Variants in KLK4 observed in about 807,000 individuals in gnomAD.
The protein encoded by KLK4 is kallikrein related peptidase 4.
A neutral mutation model predicts 24.3 loss-of-function variants in KLK4; 24 were observed. The observed-to-expected ratio is 0.99, with a 90% CI of 0.72 to 1.39. The LOEUF is 1.39. KLK4 is among the 40% of genes most tolerant of loss of function. KLK4 has a pLI of 0.00. For synonymous variants in KLK4, 142 were observed against 138.8 expected (o/e 1.02, Z -0.16); for missense variants, 344 against 327.4 (o/e 1.05, Z -0.39).
At chr19:50,908,520 C>T (rs1383279174) in intron 4 of KLK4, 25 bp from the exon 5 acceptor site, 4 of 1,614,180 alleles carry the variant, frequency 2.5e-6, no homozygotes, top group South Asian at 2.2e-5. Context: ...TCTGGGTCAG[C>T]CCCCGCGACT....
chr19:50,908,157 G>T, intron 5 of KLK4: 1 of 670,742 alleles, frequency 1.5e-6, no homozygotes, highest in Non-Finnish European at 2.6e-6. Context: ...GCCTCCCCAT[G>T]TCTGTTTCTG....
intron 2 of KLK4, 28 bp from the exon 3 acceptor site, chr19:50,909,442 G>A (rs749859547): frequency 1.2e-6 from 2 of 1,612,906 alleles, no homozygotes; most frequent in East Asian, 2.2e-5. Context: ...GATGGGATCG[G>A]GACCAGGAGG....
chr19:50,907,403 T>A (rs1169822903), intron 5 of KLK4, among the ~76,000 whole-genome samples: 1 of 127,398 alleles, frequency 7.8e-6, no homozygotes, highest in Non-Finnish European at 1.7e-5. Context: ...CTTTGTAAAG[T>A]CTTTTTTTTT....
chr19:50,906,857 G>T, exon 6 of KLK4: 2 of 1,577,696 alleles, frequency 1.3e-6, no homozygotes, highest in East Asian at 2.2e-5. Flanking sequence ...GGGAGGAGGG[G>T]CTGGGAACAG....
At chr19:50,909,451 G>T (rs554007875) in intron 2 of KLK4, 37 bp from the exon 3 acceptor site, 4 of 1,609,472 alleles carry the variant, frequency 2.5e-6, no homozygotes, top group South Asian at 2.2e-5. Flanking sequence ...GGGACCAGGA[G>T]GCGGGCCCAG....
intron 3 of KLK4, 77 bp from the exon 4 acceptor site, chr19:50,908,906 A>G: frequency 6.3e-7 from 1 of 1,584,972 alleles, no homozygotes; most frequent in Non-Finnish European, 8.5e-7. Flanking sequence ...CCCCATTCCC[A>G]TCCCCATCTC....
chr19:50,906,828 C>A (rs905994297), exon 6 of KLK4: 20 of 1,352,302 alleles, frequency 1.5e-5, no homozygotes, highest in African/African-American at 1.1e-4. Flanking sequence ...GGGCTGGGGG[C>A]CTGGACTCCT....
Position 50,910,819 on chromosome 19 carries a change from G to A in KLK4, c.-11-70C>T. 1 of 1,327,302 alleles carries A rather than the reference G, an allele frequency of 7.5e-7. No homozygotes were observed. Among genetic ancestry groups the A allele is most frequent in the Non-Finnish European group, 1.1e-6 (1 of 943,494 alleles). 82.2% of individuals were successfully genotyped at this position (1,327,302 alleles called of 1,614,324 possible). ...CCCAAGTCTCTCCATCCCTCTCTTT[G>A]TCCCTCCCTTTCTTCCCTCTGGGAC... On this transcript the variant is annotated intron_variant, in intron 1 of 5. Transcript: ENST00000324041. The surrounding 1 kb of genome is among the most constrained non-coding windows in gnomAD (Gnocchi z 4.4).
Position 50,907,142 on chromosome 19 carries a change from G to T in KLK4, c.613-56C>A, listed in dbSNP as rs198965. On this transcript the variant is annotated intron_variant, in intron 5 of 5. Transcript: ENST00000324041. ...AAAACACAGAGAGGTGGAAATGGAT[G>T]TGGGCTCAGAAAGGAACTAAATGAG... is the stretch of plus-strand genomic sequence containing the variant. The T allele has an allele frequency of 2.7e-5, 43 of 1,577,328 alleles. No individual in the cohort carries two copies. In the African/African-American group the frequency reaches 5.4e-4, roughly 20 times the overall value.
chr19:50,908,320 T>C (rs1303377003), intron 5 of KLK4, 39 bp downstream of exon 5: 2 of 1,608,398 alleles, frequency 1.2e-6, no homozygotes, highest in Non-Finnish European at 1.7e-6. Context: ...TTCTCCACCC[T>C]TCCCTGAGTC....
At chr19:50,911,253 G>A (rs1019710535) in intron 1 of KLK4, among the ~76,000 whole-genome samples, 86 bp downstream of exon 1, 8 of 152,234 alleles carry the variant, frequency 5.3e-5, no homozygotes, top group African/African-American at 1.4e-4. Context: ...AGGCACAGAG[G>A]CTGAGAATCC....
At position 50,910,749 on chromosome 19, in the gene KLK4, C is replaced by T. The variant is rs1253358710; in HGVS notation, c.-11G>A. 6.4e-6 allele frequency: 10 copies of T among 1,552,128 alleles called. No homozygotes were observed. The highest frequency in any genetic ancestry group is 8.7e-6 in the Non-Finnish European group (10 of 1,147,130). On this transcript the variant is annotated splice_region_variant and 5_prime_UTR_variant, in exon 2 of 6. It adds an upstream start codon to the 5' untranslated region. Transcript: ENST00000324041. This position sits in a 1 kb window ranked among gnomAD's most constrained non-coding sequence, Gnocchi z 4.4. ...TCCTGCTGTGGCCATCACGTCAGCA[C>T]CTGGGGATGAGGACTGAGACTTAGC... is the stretch of plus-strand genomic sequence containing the variant.
At chr19:50,906,752 G>T in exon 6 of KLK4, 1 of 601,944 alleles carries the variant, frequency 1.7e-6, no homozygotes, top group South Asian at 1.8e-5. Flanking sequence ...AGGGGCTGGG[G>T]GGTCTGGACT....
chr19:50,906,499 G>T (rs1029412840), exon 6 of KLK4: 1 of 300,232 alleles, frequency 3.3e-6, no homozygotes, highest in Non-Finnish European at 6.3e-6. Context: ...TGAGGGAGGA[G>T]GGGCTGGGAC....
intron 5 of KLK4, among the ~76,000 whole-genome samples, chr19:50,907,735 C>T (rs1006999700): frequency 3.9e-5 from 6 of 152,118 alleles, no homozygotes; most frequent in South Asian, 2.1e-4. Flanking sequence ...TTTCCTGTTT[C>T]TCTTCGTGTT....
At chr19:50,909,159 CG>C in intron 3 of KLK4, 92 bp downstream of exon 3, 1 of 1,605,448 alleles carries the variant, frequency 6.2e-7, no homozygotes, top group Non-Finnish European at 8.5e-7. Flanking sequence ...GAGCCTTCAC[CG>C]CTGTTTCCCC....
intron 2 of KLK4, 84 bp from the exon 3 acceptor site, chr19:50,909,498 T>C: frequency 1.4e-6 from 2 of 1,438,734 alleles, no homozygotes; most frequent in Non-Finnish European, 1.9e-6. Context: ...AGGGGCGTGG[T>C]CAGAGGTTCA....
chr19:50,909,229 A>C (rs766657832), intron 3 of KLK4, 23 bp downstream of exon 3: 2 of 1,611,432 alleles, frequency 1.2e-6, no homozygotes, highest in African/African-American at 1.4e-5. Context: ...GGCCCTGCCC[A>C]CTCCCCCTAC....
Position 50,908,578 on chromosome 19 carries a change from C to T in KLK4, c.475+1G>A, listed in dbSNP as rs778964540. The T allele has an allele frequency of 6.2e-7, 1 of 1,614,246 alleles. No homozygotes were observed. Among genetic ancestry groups the T allele is most frequent in the Non-Finnish European group, 8.5e-7 (1 of 1,180,050 alleles). ...GGGCAGACACACACCCGTGAGCTCA[C>T]CGTTCGCCAGCAGACCCCAGCCAGA... On this transcript the variant is annotated splice_donor_variant, in intron 4 of 5. Transcript: ENST00000324041. LOFTEE classifies it high-confidence loss of function.
Sources: gnomAD v4.1 joint callset for allele counts (sites outside exome capture counted in the v4.1 genomes callset) on GRCh38, gnomAD v4.1.1 for gene constraint, Gnocchi (gnomAD v3.1) non-coding constraint, MANE v1.5 for transcripts, NCBI Gene and HGNC (gene_info 2026-07-23, HGNC 2026-07-21) for gene names.